The following CNTN3 variants were observed in gnomAD, a reference collection of about 807,000 sequenced individuals.
CNTN3 encodes contactin 3, also known as contactin-3.
A neutral mutation model predicts 119.1 loss-of-function variants in CNTN3; 60 were observed. The observed-to-expected ratio is 0.50, with a 90% CI of 0.41 to 0.62. The LOEUF (loss-of-function observed/expected upper bound fraction) is 0.62. Among genes scored for constraint, CNTN3 ranks in the 20% least tolerant of loss-of-function variants. The pLI, the probability that CNTN3 is intolerant of heterozygous loss-of-function variation, is 0.00. For synonymous variants in CNTN3, 450 were observed against 438.7 expected, an observed-to-expected ratio of 1.03 and a Z score of -0.32; for missense variants, 1,101 against 1,242.4, an observed-to-expected ratio of 0.89 and a Z score of 1.71.
intron 15 of CNTN3, 41 bp downstream of exon 15, chr3:74,301,606 A>C: frequency 1.2e-6 from 2 of 1,612,916 alleles, no homozygotes; most frequent in Non-Finnish European, 1.7e-6. Flanking sequence ...CTTGAAATCC[A>C]TTTATATGTG....
rs1334448495 is a variant in CNTN3 at position 74,521,134 on chromosome 3, G to A, written c.-22C>T. On this transcript the variant is annotated 5_prime_UTR_variant, in exon 2 of 23. Coordinates refer to ENST00000263665, the MANE Select transcript of CNTN3 (RefSeq NM_020872.3). ...TCATCTTTAATTGCCAAATGCAAGA[G>A]TAACTCTTGTCCAGTCTCTGATGAA... 1 of 1,539,880 alleles carries A rather than the reference G, an allele frequency of 6.5e-7. No homozygotes were observed. The highest frequency in any genetic ancestry group is 8.9e-7 in the Non-Finnish European group (1 of 1,122,696).
At chr3:74,303,111 A>G (rs1260064408) in intron 13 of CNTN3, among the ~76,000 whole-genome samples, 1 of 152,206 alleles carries the variant, frequency 6.6e-6, no homozygotes, top group African/African-American at 2.4e-5. Context: ...TACTTGCACC[A>G]GGGTGACACT....
Position 74,281,885 on chromosome 3 carries a change from T to C in CNTN3, c.2704+3420A>G, listed in dbSNP as rs143591136. On this transcript the variant is annotated intron_variant, in intron 20 of 22. Transcript: ENST00000263665. ...CTTATTACATGATTGTGGTGAATGT[T>C]GTTTGAGTGTCTGGATCCATTCATA... 8.4e-3 allele frequency among the ~76,000 whole-genome samples: 1,281 copies of C among 152,352 alleles called. 18 individuals are homozygous for C. Among genetic ancestry groups the C allele is most frequent in the South Asian group, 0.083 (399 of 4,828 alleles).
chr3:74,292,731 C>T (rs1702257346), intron 19 of CNTN3, among the ~76,000 whole-genome samples: 1 of 152,190 alleles, frequency 6.6e-6, no homozygotes, highest in Non-Finnish European at 1.5e-5. Flanking sequence ...ATGTAATTTT[C>T]CAAACACAGC....
At chr3:74,589,760 T>C (rs1483846252) in intron 1 of CNTN3, among the ~76,000 whole-genome samples, 1 of 151,356 alleles carries the variant, frequency 6.6e-6, no homozygotes, top group Non-Finnish European at 1.5e-5. Context: ...ATATACACCA[T>C]GGGATACTAT....
chr3:74,542,199 C>T (rs1703851458), intron 1 of CNTN3, among the ~76,000 whole-genome samples: 1 of 152,180 alleles, frequency 6.6e-6, no homozygotes, highest in South Asian at 2.1e-4. Context: ...CACCACTGCA[C>T]TCTAGTCTGG....
At chr3:74,278,874 T>C (rs1575693301) in intron 20 of CNTN3, among the ~76,000 whole-genome samples, 1 of 151,740 alleles carries the variant, frequency 6.6e-6, no homozygotes, top group Non-Finnish European at 1.5e-5. Context: ...AAAGGACTAA[T>C]ATCCAGAATC....
chr3:74,474,240 G>A (rs548452809), intron 4 of CNTN3, among the ~76,000 whole-genome samples: 2 of 152,240 alleles, frequency 1.3e-5, no homozygotes, highest in African/African-American at 4.8e-5. Context: ...GAATACGAGA[G>A]AGACAGAGCT....
chr3:74,536,734 T>A (rs573135422), intron 1 of CNTN3, among the ~76,000 whole-genome samples: 1 of 152,242 alleles, frequency 6.6e-6, no homozygotes, highest in East Asian at 1.9e-4. Context: ...TTTTATTTTG[T>A]AGGAGCAGAA....
At chr3:74,462,309 A>AT (rs1203552681) in intron 4 of CNTN3, among the ~76,000 whole-genome samples, 2 of 152,132 alleles carry the variant, frequency 1.3e-5, no homozygotes, top group African/African-American at 4.8e-5. Context: ...GCAATGTGAA[A>AT]TAAGGCTCAA....
intron 2 of CNTN3, among the ~76,000 whole-genome samples, chr3:74,507,377 C>G (rs112902475): frequency 0.039 from 5,803 of 149,364 alleles, 181 homozygotes; most frequent in Non-Finnish European, 0.06. Context: ...ATGAACACAC[C>G]ACTGCACTCC....
chr3:74,479,178 A>G (rs1702714513), intron 4 of CNTN3, among the ~76,000 whole-genome samples: 1 of 152,078 alleles, frequency 6.6e-6, no homozygotes, highest in African/African-American at 2.4e-5. Flanking sequence ...AAAACTAAAG[A>G]CAGGAAATCA....
chr3:74,436,131 C>T (rs960804417), intron 4 of CNTN3, among the ~76,000 whole-genome samples: 3 of 152,198 alleles, frequency 2.0e-5, no homozygotes, highest in African/African-American at 7.2e-5. Flanking sequence ...GACAAGCGAG[C>T]GTACTCTGTC....
intron 4 of CNTN3, among the ~76,000 whole-genome samples, chr3:74,435,327 A>C (rs1200213482): frequency 6.6e-6 from 1 of 152,114 alleles, no homozygotes; most frequent in East Asian, 1.9e-4. Flanking sequence ...GTTGTGTGCC[A>C]ACATCCCCAG....
chr3:74,364,664 A>T (rs1704148994), intron 9 of CNTN3, 68 bp from the exon 10 acceptor site: 1 of 1,319,392 alleles, frequency 7.6e-7, no homozygotes, highest in South Asian at 1.2e-5. Flanking sequence ...TGAACTGACT[A>T]TCATTTCACT....
chr3:74,560,699 A>G (rs1704139309), intron 1 of CNTN3, among the ~76,000 whole-genome samples: 2 of 152,120 alleles, frequency 1.3e-5, no homozygotes, highest in Non-Finnish European at 2.9e-5. Flanking sequence ...AATATAAATC[A>G]TACTGCTATA....
intron 2 of CNTN3, among the ~76,000 whole-genome samples, chr3:74,514,077 T>C (rs535207753): frequency 1.3e-5 from 2 of 152,188 alleles, no homozygotes; most frequent in South Asian, 4.1e-4. Flanking sequence ...TAAAGTGTTA[T>C]TTTTTCAAAA....
In CNTN3 at chr3:74,450,749, G is replaced by A. The variant is rs532620832; in HGVS notation, c.359-25809C>T. ...CATTGCTCAATTCCCACCTATGAGT[G>A]AGAATATGCAGTGTTTGGTTTTTTG... On this transcript the variant is annotated intron_variant, in intron 4 of 22. Coordinates refer to ENST00000263665, the MANE Select transcript of CNTN3 (RefSeq NM_020872.3). Among the ~76,000 whole-genome samples the A allele has an allele frequency of 2.1e-3, 308 of 146,272 alleles. 1 individual carries two copies. The highest frequency in any genetic ancestry group is 7.4e-3 in the African/African-American group (292 of 39,360).
chr3:74,322,862 G>C (rs1296300503), intron 13 of CNTN3, among the ~76,000 whole-genome samples: 1 of 152,126 alleles, frequency 6.6e-6, no homozygotes, highest in East Asian at 1.9e-4. Flanking sequence ...GAACTTAAAA[G>C]TATATTACTA....
Sources: allele counts gnomAD v4.1 joint callset (sites outside exome capture counted in the v4.1 genomes callset), GRCh38; gene constraint gnomAD v4.1.1; transcripts MANE v1.5; gene names NCBI Gene and HGNC (gene_info 2026-07-23, HGNC 2026-07-21).